Variants in NRCAM observed in about 807,000 individuals in gnomAD.
The protein encoded by NRCAM is neuronal cell adhesion molecule, also known as NgCAM-related cell adhesion molecule.
Under a neutral mutation model 156.5 loss-of-function variants are expected in NRCAM, and 83 were observed. That is an observed-to-expected ratio of 0.53 (90% CI 0.44 to 0.64). The LOEUF (loss-of-function observed/expected upper bound fraction) is 0.64. Among genes scored for constraint, NRCAM ranks in the 30% least tolerant of loss-of-function variants. The probability of loss-of-function intolerance (pLI) is 0.00; values close to 1 mark genes in which losing one functional copy is unlikely to be tolerated. For synonymous variants in NRCAM, 538 were observed against 563.9 expected (o/e 0.95, Z 0.65); for missense variants, 1,417 against 1,597.3 (o/e 0.89, Z 1.92).
chr7:108,154,452 C>T (rs1585072831), intron 32 of NRCAM, among the ~76,000 whole-genome samples: 1 of 152,140 alleles, frequency 6.6e-6, no homozygotes, highest in African/African-American at 2.4e-5. Context: ...TGGGTTTTTA[C>T]ATACAAAATC....
chr7:108,184,116 AT>A, intron 22 of NRCAM, 124 bp downstream of exon 22: 1 of 430,862 alleles, frequency 2.3e-6, no homozygotes, highest in South Asian at 3.7e-5. Flanking sequence ...GTATCTTTAT[AT>A]ATATATATAT....
chr7:108,260,743 G>C (rs539901201), intron 3 of NRCAM, among the ~76,000 whole-genome samples: 6 of 152,310 alleles, frequency 3.9e-5, no homozygotes, highest in African/African-American at 1.2e-4. Flanking sequence ...GGCCCACACA[G>C]AGCTGGAACA....
chr7:108,404,646 C>T (rs1055647724), intron 1 of NRCAM, among the ~76,000 whole-genome samples: 1 of 152,076 alleles, frequency 6.6e-6, no homozygotes, highest in Non-Finnish European at 1.5e-5. Flanking sequence ...TCCTAAATAC[C>T]GTTAAAACTG....
At chr7:108,363,817 C>T (rs2099574605) in intron 2 of NRCAM, among the ~76,000 whole-genome samples, 1 of 152,168 alleles carries the variant, frequency 6.6e-6, no homozygotes, top group South Asian at 2.1e-4. Flanking sequence ...AGAGGGATAT[C>T]TTACAAAAAA....
intron 2 of NRCAM, among the ~76,000 whole-genome samples, chr7:108,381,149 C>T (rs1316466309): frequency 1.5e-5 from 2 of 136,460 alleles, no homozygotes; most frequent in Non-Finnish European, 3.3e-5. Flanking sequence ...ATTAAATATA[C>T]GTATGTAGCT....
intron 2 of NRCAM, among the ~76,000 whole-genome samples, chr7:108,320,267 C>T: frequency 6.6e-6 from 1 of 151,938 alleles, no homozygotes; most frequent in Non-Finnish European, 1.5e-5. Flanking sequence ...GCCTGGGCAA[C>T]ACAGGGAGAC....
intron 3 of NRCAM, among the ~76,000 whole-genome samples, chr7:108,309,870 T>TTAAA (rs1182750475): frequency 2.6e-5 from 4 of 152,054 alleles, no homozygotes; most frequent in African/African-American, 9.7e-5. Context: ...AAGAAATAAA[T>TTAAA]TAAATAAATA....
intron 2 of NRCAM, among the ~76,000 whole-genome samples, chr7:108,327,356 A>G (rs968373188): frequency 1.3e-5 from 2 of 152,210 alleles, no homozygotes; most frequent in African/African-American, 4.8e-5. Flanking sequence ...ATATACAAAC[A>G]TAAGTTATTT....
chr7:108,321,718 G>A lies in NRCAM; in HGVS notation c.-173-8987C>T, dbSNP rs917507833. Among the ~76,000 whole-genome samples, 8 of 152,174 alleles carry A rather than the reference G, an allele frequency of 5.3e-5. 1 individual carries two copies. Among genetic ancestry groups the A allele is most frequent in the African/African-American group, 1.2e-4 (5 of 41,450 alleles). On this transcript the variant is annotated intron_variant, in intron 2 of 32. Coordinates refer to ENST00000379028, the MANE Select transcript of NRCAM (RefSeq NM_001037132.4). Reference sequence around the variant, plus strand: ...TCACAAAGATCTTAAAGTTTAATCTGATTTGATTTAAGACCTAGTAATTTT... The same window carrying A: ...TCACAAAGATCTTAAAGTTTAATCTAATTTGATTTAAGACCTAGTAATTTT...
intron 3 of NRCAM, among the ~76,000 whole-genome samples, chr7:108,306,441 A>G (rs6954921): frequency 0.03 from 4,609 of 152,224 alleles, 245 homozygotes; most frequent in African/African-American, 0.1. Context: ...ACAGCAGGCA[A>G]TGCCATCACC....
intron 11 of NRCAM, among the ~76,000 whole-genome samples, chr7:108,218,097 C>A (rs7796457): frequency 0.042 from 6,265 of 150,568 alleles, 202 homozygotes; most frequent in East Asian, 0.11. Context: ...AGACCATGGG[C>A]AAAGCATACT....
chr7:108,332,492 C>T (rs544819321), intron 2 of NRCAM, among the ~76,000 whole-genome samples: 1 of 152,142 alleles, frequency 6.6e-6, no homozygotes, highest in Non-Finnish European at 1.5e-5. Flanking sequence ...TCACCATCTC[C>T]TTACCACTCA....
At chr7:108,191,466 G>C (rs912400105) in intron 18 of NRCAM, among the ~76,000 whole-genome samples, 183 bp from the exon 19 acceptor site, 7 of 152,094 alleles carry the variant, frequency 4.6e-5, no homozygotes, top group Non-Finnish European at 7.4e-5. Context: ...TTCAATTTTA[G>C]ATACAAGTAG....
rs201663938 is a variant in NRCAM, at chr7:108,189,779, G to A, written c.1934-33C>T. ...CCAAACATACACACATCATGGTCAC[G>A]CATCCATCTTTAAGAGGCTCTCCTT... On this transcript the variant is annotated intron_variant, in intron 19 of 32. Transcript: ENST00000379028. 2.8e-4 allele frequency: 229 copies of A among 805,000 alleles called. No individual in the cohort carries two copies. The African/African-American group carries it at 3.6e-3, about 13-fold the overall frequency. The allele number at this position is 805,000 out of a possible 1,614,324, so 49.9% of individuals were successfully genotyped here.
intron 11 of NRCAM, among the ~76,000 whole-genome samples, chr7:108,216,810 C>T (rs1239418847): frequency 6.6e-6 from 1 of 152,116 alleles, no homozygotes; most frequent in Admixed American, 6.6e-5. Context: ...ATTAGCAATT[C>T]CTCTAACCTT....
chr7:108,400,376 C>A (rs2099788835), intron 1 of NRCAM, among the ~76,000 whole-genome samples: 1 of 152,324 alleles, frequency 6.6e-6, no homozygotes, highest in African/African-American at 2.4e-5. Context: ...CTAGACCTGC[C>A]TCCACCACTA....
intron 6 of NRCAM, among the ~76,000 whole-genome samples, 179 bp from the exon 7 acceptor site, chr7:108,232,701 G>A (rs1394485198): frequency 1.3e-5 from 2 of 152,078 alleles, no homozygotes; most frequent in Admixed American, 1.3e-4. Flanking sequence ...GGAAAAAAGG[G>A]CAGGCTATAC....
chr7:108,351,731 A>C (rs1563389009), intron 2 of NRCAM, among the ~76,000 whole-genome samples: 2 of 151,544 alleles, frequency 1.3e-5, no homozygotes. Flanking sequence ...AAGAATTGTA[A>C]CTCATGATTG....
intron 29 of NRCAM, among the ~76,000 whole-genome samples, chr7:108,167,282 GT>G (rs1470502919): frequency 2.6e-5 from 4 of 152,124 alleles, no homozygotes; most frequent in Non-Finnish European, 1.5e-5. Context: ...AATAGACTGG[GT>G]ATCTAGCTTG....
Sources: allele counts gnomAD v4.1 joint callset (sites outside exome capture counted in the v4.1 genomes callset), GRCh38; gene constraint gnomAD v4.1.1; transcripts MANE v1.5; gene names NCBI Gene and HGNC (gene_info 2026-07-23, HGNC 2026-07-21).